HEMK2: variants seen among roughly 807,000 people sequenced by gnomAD.
The protein encoded by HEMK2 is HemK methyltransferase 2, ETF1 glutamine and histone H4 lysine.
chr21:28,632,642 G>A, the HEMK2 span, among the ~76,000 whole-genome samples: 23 of 152,040 alleles, frequency 1.5e-4, no homozygotes, highest in Non-Finnish European at 2.2e-4. Flanking sequence ...CTGTCCACAC[G>A]GTAAAATAGA....
chr21:28,879,786 C>T, the HEMK2 span: 9 of 988,622 alleles, frequency 9.1e-6, no homozygotes, highest in South Asian at 9.9e-5. Flanking sequence ...CAGCAGCTGA[C>T]TGATGTCATA....
the HEMK2 span, among the ~76,000 whole-genome samples, chr21:28,613,619 C>CTTTTTTTTT: frequency 2.2e-3 from 182 of 82,708 alleles, 25 homozygotes; most frequent in Non-Finnish European, 3.1e-3. Context: ...TCTGCATATT[C>CTTTTTTTTT]TTTTTTTTTT....
chr21:28,686,747 C>T, the HEMK2 span, among the ~76,000 whole-genome samples: 7 of 152,266 alleles, frequency 4.6e-5, no homozygotes, highest in African/African-American at 1.4e-4. Context: ...TTACACAGCA[C>T]CATGCAGTCA....
the HEMK2 span, among the ~76,000 whole-genome samples, chr21:28,725,177 T>C: frequency 6.6e-6 from 1 of 152,200 alleles, no homozygotes; most frequent in Non-Finnish European, 1.5e-5. Context: ...ATCAATGTTG[T>C]TGGGTGTCCC....
At chr21:28,849,672 A>G in the HEMK2 span, among the ~76,000 whole-genome samples, 1 of 152,250 alleles carries the variant, frequency 6.6e-6, no homozygotes, top group Non-Finnish European at 1.5e-5. Flanking sequence ...ATTTTAAGAA[A>G]AAAAGAAACG....
At chr21:28,864,235 C>CT in the HEMK2 span, among the ~76,000 whole-genome samples, 1 of 152,158 alleles carries the variant, frequency 6.6e-6, no homozygotes, top group African/African-American at 2.4e-5. Flanking sequence ...CAACCTAGAA[C>CT]TTTAACCACC....
the HEMK2 span, among the ~76,000 whole-genome samples, chr21:28,616,738 C>T: frequency 1.3e-5 from 2 of 152,218 alleles, no homozygotes; most frequent in South Asian, 4.1e-4. Context: ...TCCTACCCTA[C>T]AAGTACCATT....
chr21:28,711,418 G>A, the HEMK2 span, among the ~76,000 whole-genome samples: 11 of 152,090 alleles, frequency 7.2e-5, no homozygotes, highest in Non-Finnish European at 1.6e-4. Flanking sequence ...AAGAAGTGCT[G>A]GGGAGTCATG....
the HEMK2 span, among the ~76,000 whole-genome samples, chr21:28,757,798 T>G: frequency 6.6e-6 from 1 of 152,076 alleles, no homozygotes; most frequent in African/African-American, 2.4e-5. Context: ...TGAAGGAGTG[T>G]GAGGAGGGCA....
At chr21:28,703,178 G>A in the HEMK2 span, among the ~76,000 whole-genome samples, 4 of 152,034 alleles carry the variant, frequency 2.6e-5, no homozygotes, top group Non-Finnish European at 5.9e-5. Flanking sequence ...AGACTAGGAG[G>A]AGGATGAGAA....
At chr21:28,613,256 G>A in the HEMK2 span, among the ~76,000 whole-genome samples, 1 of 151,912 alleles carries the variant, frequency 6.6e-6, no homozygotes, top group Non-Finnish European at 1.5e-5. Context: ...GTATACTGGT[G>A]GACCTGAAGT....
chr21:28,715,965 A>C, the HEMK2 span, among the ~76,000 whole-genome samples: 1 of 152,062 alleles, frequency 6.6e-6, no homozygotes, highest in Non-Finnish European at 1.5e-5. Flanking sequence ...AGGAGGCTTT[A>C]TTTCTGGGTT....
the HEMK2 span, among the ~76,000 whole-genome samples, chr21:28,585,963 G>A: frequency 5.9e-5 from 9 of 152,178 alleles, no homozygotes; most frequent in East Asian, 1.5e-3. Context: ...TATCCAGTAA[G>A]TAGATATTCC....
chr21:28,852,179 T>C, the HEMK2 span, among the ~76,000 whole-genome samples: 1 of 152,216 alleles, frequency 6.6e-6, no homozygotes, highest in Non-Finnish European at 1.5e-5. Flanking sequence ...GATATTGTTT[T>C]TGATTTACTA....
chr21:28,670,277 G>A, the HEMK2 span, among the ~76,000 whole-genome samples: 1 of 152,026 alleles, frequency 6.6e-6, no homozygotes, highest in African/African-American at 2.4e-5. Context: ...AATGGGCAAA[G>A]GAACTGATGC....
the HEMK2 span, among the ~76,000 whole-genome samples, chr21:28,750,662 T>C: frequency 4.2e-5 from 6 of 144,402 alleles, no homozygotes; most frequent in Admixed American, 7.0e-5. Context: ...GATCGCACCG[T>C]TGCACTCCCT....
the HEMK2 span, among the ~76,000 whole-genome samples, chr21:28,575,653 GTTC>G: frequency 6.6e-6 from 1 of 152,120 alleles, no homozygotes; most frequent in South Asian, 2.1e-4. Context: ...AAAATGCAGA[GTTC>G]TTTAGTATAT....
At chr21:28,706,677 C>A in the HEMK2 span, among the ~76,000 whole-genome samples, 1 of 152,150 alleles carries the variant, frequency 6.6e-6, no homozygotes, top group Non-Finnish European at 1.5e-5. Flanking sequence ...TGAACGTTAT[C>A]ACTGCAGAAA....
chr21:28,580,399 C>T, the HEMK2 span, among the ~76,000 whole-genome samples: 2,340 of 152,172 alleles, frequency 0.015, 95 homozygotes, highest in East Asian at 0.11. Context: ...AGGGCTAGCA[C>T]GGGCAGGGCA....
Sources: allele counts gnomAD v4.1 joint callset (sites outside exome capture counted in the v4.1 genomes callset), GRCh38; gene constraint gnomAD v4.1.1; transcripts MANE v1.5; gene names NCBI Gene and HGNC (gene_info 2026-07-23, HGNC 2026-07-21).